AKIP1: variants seen among roughly 807,000 people sequenced by gnomAD.
AKIP1 encodes the protein A-kinase-interacting protein 1.
AKIP1 carries 18 observed loss-of-function variants against 22.3 expected under a neutral mutation model. The ratio of observed to expected loss-of-function variants is 0.81; its 90% CI spans 0.56 to 1.19. The LOEUF is 1.19. AKIP1 is among the 50% of genes most tolerant of loss of function. The pLI, the probability that AKIP1 is intolerant of heterozygous loss-of-function variation, is 0.00. For missense variants in AKIP1, 287 were observed against 264.6 expected (o/e 1.08, Z -0.59); for synonymous variants, 120 against 102.7 (o/e 1.17, Z -1.02).
In AKIP1 at chr11:8,917,361, C is replaced by T; in HGVS notation, c.483C>T (p.Ser161=). 1.2e-6 allele frequency: 2 copies of T among 1,613,270 alleles called. No individual in the cohort carries two copies. The highest frequency in any genetic ancestry group is 1.7e-6 in the Non-Finnish European group (2 of 1,179,600). Residue 161 remains serine (S), a synonymous_variant, in exon 5 of 6, where the codon TCC becomes TCT. Transcript: ENST00000309377. ...TATCAGAGCATGCTCCAGAGGCATC[C>T]CAGCCTGTGAGTACGGAACTGCTTA... The part of the protein sequence containing the change: ...YQISEHAPEA[S]QPAENISKDL...
chr11:8,919,429 T>C lies in AKIP1; in HGVS notation c.582T>C (p.His194=). 2 of 1,614,236 alleles carry C rather than the reference T, an allele frequency of 1.2e-6. No homozygotes were observed. Among genetic ancestry groups the C allele is most frequent in the Non-Finnish European group, 1.7e-6 (2 of 1,180,028 alleles). Residue 194 remains histidine, a synonymous_variant, in exon 6 of 6, where the codon CAT becomes CAC. Transcript: ENST00000309377. ...VGSNDLTKKT[H]VVAVDSGQSV... ...CAAATGACTTAACCAAGAAGACTCATGTGGTAGCAGTTGATTCTGGACAAA... is the reference window on the plus strand; with the variant it reads ...CAAATGACTTAACCAAGAAGACTCACGTGGTAGCAGTTGATTCTGGACAAA...
At position 8,919,360 on chromosome 11, in the gene AKIP1, C is replaced by T. The variant is rs2064539860; in HGVS notation, c.513C>T (p.Leu171=). The T allele has an allele frequency of 1.9e-6, 3 of 1,613,912 alleles. No homozygotes were observed. Among genetic ancestry groups the T allele is most frequent in the Non-Finnish European group, 1.7e-6 (2 of 1,179,980 alleles). ...SQPAENISKD[L]YIEVYPGTYS... ...AGGCTGAGAACATCTCTAAGGACCT[C>T]TACATAGAAGTATATCCAGGGACCT... The change falls in exon 6 of 6, where the codon CTC becomes CTT. Residue 171 remains leucine, a synonymous_variant. Coordinates refer to ENST00000309377, the MANE Select transcript of AKIP1 (RefSeq NM_020642.4).
chr11:8,917,157 T>C, intron 4 of AKIP1, 130 bp from the exon 5 acceptor site: 1 of 579,080 alleles, frequency 1.7e-6, no homozygotes, highest in East Asian at 2.8e-5. Context: ...AATGCCTTAA[T>C]GACTTAGATG....
At chr11:8,913,981 CTG>C (rs759819672) in intron 3 of AKIP1, among the ~76,000 whole-genome samples, 1 of 152,262 alleles carries the variant, frequency 6.6e-6, no homozygotes, top group African/African-American at 2.4e-5. Context: ...GTTCAAGTCT[CTG>C]TTATGAAATG....
At chr11:8,913,685 T>C (rs1267803883) in intron 3 of AKIP1, among the ~76,000 whole-genome samples, 1 of 152,212 alleles carries the variant, frequency 6.6e-6, no homozygotes, top group Non-Finnish European at 1.5e-5. Context: ...GTTTCTGCCC[T>C]GCTTTTCAGT....
At chr11:8,911,397 G>C in intron 1 of AKIP1, 47 bp from the exon 2 acceptor site, 3 of 1,498,198 alleles carry the variant, frequency 2.0e-6, no homozygotes, top group Non-Finnish European at 1.8e-6. Flanking sequence ...CAGGGTCGCC[G>C]CGGCCCAGCT....
chr11:8,915,811 TTTTC>T (rs1372401039), intron 4 of AKIP1, among the ~76,000 whole-genome samples: 8 of 142,128 alleles, frequency 5.6e-5, no homozygotes, highest in African/African-American at 2.0e-4. Context: ...ATTTTTGTAT[TTTTC>T]TTTCTTTTTT....
At position 8,919,370 on chromosome 11, in the gene AKIP1, G is replaced by A; in HGVS notation, c.523G>A (p.Val175Ile). 6.2e-7 allele frequency: 1 copy of A among 1,614,114 alleles called. No homozygotes were observed. Among genetic ancestry groups the A allele is most frequent in the South Asian group, 1.1e-5 (1 of 91,080 alleles). The part of the protein sequence containing the change: ...ENISKDLYIE[V>I]YPGTYSVTVG... The stretch of plus-strand genomic sequence containing the variant: ...CATCTCTAAGGACCTCTACATAGAA[G>A]TATATCCAGGGACCTATTCTGTCAC... Residue 175 changes from valine to isoleucine, a missense_variant, in exon 6 of 6, where the codon GTA (valine) becomes ATA (isoleucine). By Grantham distance (29) the Val-to-Ile change is conservative (BLOSUM62 3). Transcript: ENST00000309377.
At chr11:8,919,272 TG>T in intron 5 of AKIP1, 64 bp from the exon 6 acceptor site, 6 of 1,506,634 alleles carry the variant, frequency 4.0e-6, no homozygotes, top group African/African-American at 1.4e-5. Context: ...GGTAGCCTGC[TG>T]GGGGGCCATG....
At position 8,919,500 on chromosome 11, in the gene AKIP1, C is replaced by A; in HGVS notation, c.*20C>A. On this transcript the variant is annotated 3_prime_UTR_variant, in exon 6 of 6. Transcript: ENST00000309377. ...GTGTGATGTTGACCATCACTGCCAT[C>A]ACATCACCTTTTTTTAAGTAGTAAG... 6.2e-7 allele frequency: 1 copy of A among 1,609,810 alleles called. No homozygotes were observed. Among genetic ancestry groups the A allele is most frequent in the South Asian group, 1.1e-5 (1 of 90,382 alleles).
At chr11:8,918,877 T>C (rs2064528823) in intron 5 of AKIP1, among the ~76,000 whole-genome samples, 1 of 152,208 alleles carries the variant, frequency 6.6e-6, no homozygotes, top group Non-Finnish European at 1.5e-5. Flanking sequence ...ACAAAAGAAA[T>C]GCCTGTCATC....
Position 8,911,647 on chromosome 11 carries a change from C to A in AKIP1, c.198C>A (p.Gly66=). ...ACCTAGAGAAACAGCCGGCAGCCGG[C>A]CCGCAGCGCGTTCTCCCGGGAGAGG... is the stretch of plus-strand genomic sequence containing the variant. ...APHLEKQPAA[G]PQRVLPGERE... Residue 66 remains glycine (G), a synonymous_variant, in exon 2 of 6, where the codon GGC becomes GGA. Coordinates refer to ENST00000309377, the MANE Select transcript of AKIP1 (RefSeq NM_020642.4). 1 of 1,571,788 alleles carries A rather than the reference C, an allele frequency of 6.4e-7. No individual in the cohort carries two copies. The highest frequency in any genetic ancestry group is 8.6e-7 in the Non-Finnish European group (1 of 1,161,252).
chr11:8,918,390 A>G (rs554980279), intron 5 of AKIP1, among the ~76,000 whole-genome samples: 30 of 152,350 alleles, frequency 2.0e-4, no homozygotes, highest in South Asian at 4.1e-4. Context: ...CTTCAAATCC[A>G]TCTGCAAGGT....
intron 4 of AKIP1, among the ~76,000 whole-genome samples, chr11:8,915,899 C>A (rs1279846157): frequency 6.7e-6 from 1 of 149,740 alleles, no homozygotes; most frequent in Non-Finnish European, 1.5e-5. Context: ...TCTCAGCTCA[C>A]TGCAAGCTCT....
chr11:8,919,108 A>T (rs2064533940), intron 5 of AKIP1, among the ~76,000 whole-genome samples: 1 of 152,212 alleles, frequency 6.6e-6, no homozygotes, highest in African/African-American at 2.4e-5. Flanking sequence ...GTGTTTTCAC[A>T]TGCTTATTTG....
chr11:8,913,512 A>G (rs2064432458), intron 3 of AKIP1, among the ~76,000 whole-genome samples: 1 of 152,164 alleles, frequency 6.6e-6, no homozygotes, highest in South Asian at 2.1e-4. Flanking sequence ...TACTTAGGGA[A>G]TGTTGAGGGC....
chr11:8,912,506 CAT>C lies in AKIP1; in HGVS notation c.277_278del (p.Met93GlyfsTer72). 7 of 1,614,106 alleles carry C rather than the reference CAT, an allele frequency of 4.3e-6. No individual in the cohort carries two copies. Among genetic ancestry groups the C allele is most frequent in the Non-Finnish European group, 4.2e-6 (5 of 1,179,960 alleles). ...SASFRTMAEFMDYTSSQCGKY... is the reference protein window; with the variant it reads ...SASFRTMAEFXDYTSSQCGKY... ...CTTCCTTCAGAACAATGGCTGAATTCATGGACTATACTTCAAGTCAGTGTGGG... is the reference window on the plus strand; with the variant it reads ...CTTCCTTCAGAACAATGGCTGAATTCGGACTATACTTCAAGTCAGTGTGGG... On this transcript the variant is annotated frameshift_variant, in exon 3 of 6. Transcript: ENST00000309377. LOFTEE classifies it high-confidence loss of function.
At position 8,911,430 on chromosome 11, in the gene AKIP1, G is replaced by T. The variant is rs1251475316; in HGVS notation, c.-6-14G>T. On this transcript the variant is annotated splice_polypyrimidine_tract_variant and intron_variant, in intron 1 of 5. Transcript: ENST00000309377. The stretch of plus-strand genomic sequence containing the variant: ...GCTGACCCGCCGGCGTTTGTACGTT[G>T]TGTGCCCACTCAGGGAGCCATGGAC... 33 of 1,567,170 alleles carry T rather than the reference G, an allele frequency of 2.1e-5. No individual in the cohort carries two copies. The highest frequency in any genetic ancestry group is 2.8e-5 in the Non-Finnish European group (32 of 1,156,028).
chr11:8,913,697 T>A (rs1190343163), intron 3 of AKIP1, among the ~76,000 whole-genome samples: 2 of 152,220 alleles, frequency 1.3e-5, no homozygotes, highest in East Asian at 3.8e-4. Context: ...CTTTTCAGTT[T>A]CATATGTTAA....
Sources: gnomAD v4.1 joint callset for allele counts (sites outside exome capture counted in the v4.1 genomes callset) on GRCh38, gnomAD v4.1.1 for gene constraint, MANE v1.5 for transcripts, NCBI Gene and HGNC (gene_info 2026-07-23, HGNC 2026-07-21) for gene names.